Variants in FAM135B observed in about 807,000 individuals in gnomAD.
FAM135B encodes protein FAM135B.
A neutral mutation model predicts 127.7 loss-of-function variants in FAM135B; 43 were observed. The observed-to-expected ratio is 0.34, with a 90% CI of 0.26 to 0.43. FAM135B has a LOEUF of 0.43. FAM135B is among the 20% of genes least tolerant of loss of function. The probability of loss-of-function intolerance (pLI) is 1.00; values close to 1 mark genes in which losing one functional copy is unlikely to be tolerated. For missense variants in FAM135B, 1,558 were observed against 1,725.6 expected (o/e 0.90, Z 1.72); for synonymous variants, 670 against 665.1 (o/e 1.01, Z -0.11).
At chr8:138,277,456 C>T (rs1465953850) in intron 3 of FAM135B, among the ~76,000 whole-genome samples, 1 of 152,168 alleles carries the variant, frequency 6.6e-6, no homozygotes, top group Non-Finnish European at 1.5e-5. Context: ...TCAGACTTGG[C>T]CCTGGCTGGG....
At chr8:138,346,120 C>T (rs934733684) in intron 2 of FAM135B, among the ~76,000 whole-genome samples, 2 of 152,160 alleles carry the variant, frequency 1.3e-5, no homozygotes, top group Non-Finnish European at 2.9e-5. Flanking sequence ...TCACGCCAGT[C>T]AGAATGGTGA....
At position 138,163,752 on chromosome 8, in the gene FAM135B, G is replaced by C. The variant is rs79062439; in HGVS notation, c.1258+4143C>G. On this transcript the variant is annotated intron_variant, in intron 12 of 19. Transcript: ENST00000395297. ...GGGTATGTCTTTATCAACAGCATGA[G>C]AACATACTAATACACCATGAACAAA... Among the ~76,000 whole-genome samples the C allele has an allele frequency of 8.1e-3, 1,228 of 152,234 alleles. 13 individuals carry two copies. Among genetic ancestry groups the C allele is most frequent in the Middle Eastern group, 0.014 (4 of 294 alleles).
intron 15 of FAM135B, among the ~76,000 whole-genome samples, chr8:138,144,667 G>A (rs554189702): frequency 1.3e-5 from 2 of 152,278 alleles, no homozygotes; most frequent in South Asian, 4.2e-4. Flanking sequence ...AAGTGGACCT[G>A]CTGATGAGAC....
intron 4 of FAM135B, among the ~76,000 whole-genome samples, chr8:138,264,594 C>CAA: frequency 6.6e-6 from 1 of 152,268 alleles, no homozygotes; most frequent in Non-Finnish European, 1.5e-5. Context: ...TATTAGAAAA[C>CAA]AAGTCCAAAA....
chr8:138,295,659 G>C (rs1445910529), intron 3 of FAM135B, among the ~76,000 whole-genome samples: 1 of 152,096 alleles, frequency 6.6e-6, no homozygotes. Flanking sequence ...GGAGACAGAG[G>C]GAGACACATG....
At chr8:138,405,104 G>A (rs767200317) in intron 1 of FAM135B, among the ~76,000 whole-genome samples, 2 of 152,046 alleles carry the variant, frequency 1.3e-5, no homozygotes, top group Non-Finnish European at 2.9e-5. Context: ...CCTGATCCAC[G>A]GGTTTCAGAA....
intron 3 of FAM135B, among the ~76,000 whole-genome samples, chr8:138,274,647 C>A (rs994118957): frequency 6.6e-5 from 10 of 152,034 alleles, no homozygotes; most frequent in Non-Finnish European, 1.3e-4. Flanking sequence ...GTCTATTTCA[C>A]CTCTGCAGTC....
intron 7 of FAM135B, among the ~76,000 whole-genome samples, chr8:138,237,865 A>G (rs1820424794): frequency 6.6e-6 from 1 of 152,192 alleles, no homozygotes; most frequent in Non-Finnish European, 1.5e-5. Context: ...TCTAAAATAT[A>G]CACACACATA....
chr8:138,316,112 T>C (rs1258437028), intron 2 of FAM135B, among the ~76,000 whole-genome samples: 1 of 152,244 alleles, frequency 6.6e-6, no homozygotes, highest in East Asian at 1.9e-4. Context: ...CATTTCACTG[T>C]ATATTTGTTT....
At position 138,153,231 on chromosome 8, in the gene FAM135B, G is replaced by T. The variant is rs1373193114; in HGVS notation, c.1259-15C>A. ...CAAGTTATGCCCTACAAAAAAAAAA[G>T]AAAGAAAATTATATTATAGTGTAAG... On this transcript the variant is annotated splice_polypyrimidine_tract_variant and intron_variant, in intron 12 of 19. Transcript: ENST00000395297. The T allele has an allele frequency of 6.9e-7, 1 of 1,439,842 alleles. No individual in the cohort carries two copies. Among genetic ancestry groups the T allele is most frequent in the Non-Finnish European group, 9.4e-7 (1 of 1,068,138 alleles). 89.2% of individuals were successfully genotyped at this position (1,439,842 alleles called of 1,614,324 possible).
chr8:138,305,945 G>A (rs1826221535), intron 3 of FAM135B, among the ~76,000 whole-genome samples: 1 of 152,138 alleles, frequency 6.6e-6, no homozygotes, highest in African/African-American at 2.4e-5. Flanking sequence ...ATGCATGTAT[G>A]TTTGTGTGTG....
At chr8:138,368,796 C>A (rs16908966) in intron 1 of FAM135B, among the ~76,000 whole-genome samples, 2 of 151,842 alleles carry the variant, frequency 1.3e-5, no homozygotes, top group Admixed American at 1.3e-4. Flanking sequence ...AGAAATAAAC[C>A]GAGAGGTACA....
At chr8:138,237,470 G>A (rs776544137) in intron 7 of FAM135B, among the ~76,000 whole-genome samples, 2 of 152,058 alleles carry the variant, frequency 1.3e-5, no homozygotes, top group African/African-American at 4.8e-5. Context: ...CTGAATCCTT[G>A]ATCTTTAATG....
intron 11 of FAM135B, among the ~76,000 whole-genome samples, chr8:138,168,694 A>T (rs1308616238): frequency 6.6e-6 from 1 of 152,202 alleles, no homozygotes; most frequent in African/African-American, 2.4e-5. Context: ...CACCATTCCT[A>T]ATTCGAAGGC....
intron 9 of FAM135B, among the ~76,000 whole-genome samples, chr8:138,187,770 C>G (rs773796915): frequency 6.6e-6 from 1 of 152,182 alleles, no homozygotes; most frequent in Non-Finnish European, 1.5e-5. Context: ...TGAGGTGACT[C>G]TTGACAGACC....
chr8:138,300,216 A>G lies in FAM135B; in HGVS notation c.157+10625T>C, dbSNP rs1335714223. Among the ~76,000 whole-genome samples, 3 of 151,856 alleles carry G rather than the reference A, an allele frequency of 2.0e-5. No homozygotes were observed. In the East Asian group the frequency reaches 5.8e-4, roughly 29 times the overall value. On this transcript the variant is annotated intron_variant, in intron 3 of 19. Coordinates refer to ENST00000395297, the MANE Select transcript of FAM135B (RefSeq NM_015912.4). Reference sequence around the variant, plus strand: ...ACTCCCCTTTCTCATTTCACATTTCAGAGGTCCTTATACCCGTGTCCCTCC... The same window carrying G: ...ACTCCCCTTTCTCATTTCACATTTCGGAGGTCCTTATACCCGTGTCCCTCC...
At chr8:138,380,354 G>A (rs938435321) in intron 1 of FAM135B, among the ~76,000 whole-genome samples, 2 of 151,988 alleles carry the variant, frequency 1.3e-5, no homozygotes, top group African/African-American at 2.4e-5. Flanking sequence ...CTGCCACCAC[G>A]CCTGGCTAGT....
At chr8:138,308,849 G>T in intron 3 of FAM135B, 1 of 270,634 alleles carries the variant, frequency 3.7e-6, no homozygotes, top group South Asian at 3.8e-5. Flanking sequence ...GGGAGCCTGG[G>T]CATGGCTTTC....
At chr8:138,468,662 C>CT (rs537286160) in intron 1 of FAM135B, among the ~76,000 whole-genome samples, 71 of 152,294 alleles carry the variant, frequency 4.7e-4, no homozygotes, top group African/African-American at 1.6e-3. Flanking sequence ...AACATCACAA[C>CT]TGAAAATTTA....
Sources: gnomAD v4.1 joint callset for allele counts (sites outside exome capture counted in the v4.1 genomes callset) on GRCh38, gnomAD v4.1.1 for gene constraint, MANE v1.5 for transcripts, NCBI Gene and HGNC (gene_info 2026-07-23, HGNC 2026-07-21) for gene names.